The following CEP126 variants were observed in gnomAD, a reference collection of about 807,000 sequenced individuals.
CEP126 encodes the protein centrosomal protein of 126 kDa.
CEP126 carries 74 observed loss-of-function variants against 107.8 expected under a neutral mutation model. The ratio of observed to expected loss-of-function variants is 0.69; its 90% CI spans 0.57 to 0.83. The LOEUF is 0.83. CEP126 is among the 40% of genes least tolerant of loss of function. The pLI, the probability that CEP126 is intolerant of heterozygous loss-of-function variation, is 0.00. For missense variants in CEP126, 1,237 were observed against 1,281.9 expected (o/e 0.96, Z 0.53); for synonymous variants, 449 against 446.0 (o/e 1.01, Z -0.08).
intron 2 of CEP126, among the ~76,000 whole-genome samples, chr11:101,938,052 C>G (rs1940611344): frequency 6.7e-6 from 1 of 150,224 alleles, no homozygotes; most frequent in Non-Finnish European, 1.5e-5. Context: ...ACTCGGGAGG[C>G]TGAGGCAGGA....
chr11:101,972,374 C>T (rs1239225395), intron 6 of CEP126, among the ~76,000 whole-genome samples: 3 of 151,968 alleles, frequency 2.0e-5, no homozygotes, highest in Non-Finnish European at 4.4e-5. Context: ...TGTAGTGAGC[C>T]GAGATCGCGC....
intron 1 of CEP126, among the ~76,000 whole-genome samples, chr11:101,919,442 GT>G (rs1156677462): frequency 2.0e-5 from 3 of 151,844 alleles, no homozygotes; most frequent in Non-Finnish European, 4.4e-5. Context: ...TCTTGGTTTT[GT>G]TTTTTTAATG....
At chr11:101,991,383 T>C (rs1380623753) in intron 9 of CEP126, among the ~76,000 whole-genome samples, 3 of 151,636 alleles carry the variant, frequency 2.0e-5, no homozygotes, top group African/African-American at 7.3e-5. Flanking sequence ...TTATGAGACA[T>C]ACAAAAAGAA....
At chr11:101,985,919 T>A (rs895660912) in intron 8 of CEP126, among the ~76,000 whole-genome samples, 2 of 152,144 alleles carry the variant, frequency 1.3e-5, no homozygotes, top group African/African-American at 4.8e-5. Flanking sequence ...ATGGGTTGAT[T>A]CCTTAAGTTT....
intron 10 of CEP126, among the ~76,000 whole-genome samples, chr11:101,993,078 CA>C (rs1306319569): frequency 3.3e-5 from 5 of 152,056 alleles, no homozygotes; most frequent in African/African-American, 1.2e-4. Context: ...CGTTTAGGTT[CA>C]GGGGTACATG....
intron 7 of CEP126, 75 bp downstream of exon 7, chr11:101,978,534 A>G (rs976911637): frequency 2.0e-5 from 18 of 903,806 alleles, no homozygotes; most frequent in Admixed American, 1.0e-4. Flanking sequence ...TTAAAGGACT[A>G]TGCTCTTGCT....
At chr11:101,997,527 A>G in intron 10 of CEP126, 72 bp from the exon 11 acceptor site, 2 of 1,610,216 alleles carry the variant, frequency 1.2e-6, no homozygotes, top group Non-Finnish European at 1.7e-6. Context: ...ACTATTTGAC[A>G]TGTCAGCCTA....
intron 3 of CEP126, among the ~76,000 whole-genome samples, chr11:101,945,381 GA>G (rs1591277119): frequency 6.6e-6 from 1 of 150,656 alleles, no homozygotes; most frequent in African/African-American, 2.4e-5. Flanking sequence ...TATGAAGCTA[GA>G]AAAAAAAAGA....
rs545086513 is a variant in CEP126, at chr11:101,922,543, C to T, written c.129-98C>T. The stretch of plus-strand genomic sequence containing the variant: ...AATTATTCCACAAAAACTATCATTA[C>T]ATCATTTGCATGAGGCTGTAGTTAT... On this transcript the variant is annotated intron_variant, in intron 1 of 10. Transcript: ENST00000263468. The T allele has an allele frequency of 1.9e-3, 1,739 of 892,654 alleles. 55 individuals carry two copies. In the South Asian group the frequency reaches 0.027, roughly 14 times the overall value. The allele number at this position is 892,654 out of a possible 1,614,324, so 55.3% of individuals were successfully genotyped here.
At chr11:101,931,351 G>A (rs1461086036) in intron 2 of CEP126, among the ~76,000 whole-genome samples, 8 of 152,056 alleles carry the variant, frequency 5.3e-5, no homozygotes. Context: ...CAATCTGTTG[G>A]AAAATATGGT....
intron 2 of CEP126, among the ~76,000 whole-genome samples, chr11:101,927,178 T>C (rs982316158): frequency 2.0e-5 from 3 of 152,146 alleles, no homozygotes; most frequent in Non-Finnish European, 4.4e-5. Context: ...GGCGCATGCC[T>C]GTAATCCCAG....
chr11:101,956,065 C>T (rs1940883383), intron 4 of CEP126: 1 of 456,670 alleles, frequency 2.2e-6, no homozygotes, highest in Non-Finnish European at 4.4e-6. Flanking sequence ...CTAGCAGTTT[C>T]CCTCGTCTAC....
intron 2 of CEP126, among the ~76,000 whole-genome samples, chr11:101,930,162 T>G (rs1196991407): frequency 6.9e-6 from 1 of 145,972 alleles, no homozygotes; most frequent in Non-Finnish European, 1.5e-5. Flanking sequence ...CTTATGGGTG[T>G]GTGTTGGGGA....
intron 2 of CEP126, 53 bp downstream of exon 2, chr11:101,922,813 T>C: frequency 6.9e-7 from 1 of 1,441,474 alleles, no homozygotes. Flanking sequence ...CAATATAAAG[T>C]AATAGTTTCT....
chr11:101,941,502 C>T (rs968824824), intron 2 of CEP126, among the ~76,000 whole-genome samples: 1 of 152,114 alleles, frequency 6.6e-6, no homozygotes, highest in Non-Finnish European at 1.5e-5. Context: ...GAAAAAAATT[C>T]CATTTTATAT....
At chr11:101,968,634 T>C (rs1941087885) in intron 6 of CEP126, among the ~76,000 whole-genome samples, 1 of 152,170 alleles carries the variant, frequency 6.6e-6, no homozygotes, top group Admixed American at 6.6e-5. Flanking sequence ...TGAGCCCATA[T>C]CTAGAGGAGC....
intron 2 of CEP126, among the ~76,000 whole-genome samples, chr11:101,929,083 T>C (rs943145092): frequency 1.3e-5 from 2 of 152,224 alleles, no homozygotes; most frequent in South Asian, 2.1e-4. Context: ...CTTCTTTATA[T>C]TGATTCTTTA....
At chr11:101,980,458 C>G (rs112473955) in intron 7 of CEP126, among the ~76,000 whole-genome samples, 1 of 152,136 alleles carries the variant, frequency 6.6e-6, no homozygotes, top group Admixed American at 6.5e-5. Context: ...ATTTTTCTGT[C>G]TCTTGCTCTT....
chr11:101,964,595 C>T (rs1032765044), intron 6 of CEP126, among the ~76,000 whole-genome samples: 1 of 150,744 alleles, frequency 6.6e-6, no homozygotes, highest in African/African-American at 2.4e-5. Context: ...CAAGGTGGTG[C>T]ACCACTGCAC....
Sources: gnomAD v4.1 joint callset for allele counts (sites outside exome capture counted in the v4.1 genomes callset) on GRCh38, gnomAD v4.1.1 for gene constraint, MANE v1.5 for transcripts, NCBI Gene and HGNC (gene_info 2026-07-23, HGNC 2026-07-21) for gene names.